DGKE: variants seen among roughly 807,000 people sequenced by gnomAD.
The protein encoded by DGKE is DAG kinase epsilon.
In DGKE, 53 loss-of-function variants were observed where a neutral mutation model predicts 70.0. The observed-to-expected ratio is 0.76, with a 90% CI of 0.61 to 0.95. DGKE has a LOEUF of 0.95. DGKE is among the 40% of genes least tolerant of loss of function. DGKE has a pLI of 0.00. For synonymous variants in DGKE, 291 were observed against 257.0 expected (o/e 1.13, Z -1.27); for missense variants, 655 against 706.9 (o/e 0.93, Z 0.83).
chr17:56,845,530 TC>T (rs755469734), intron 3 of DGKE, among the ~76,000 whole-genome samples, 159 bp from the exon 4 acceptor site: 55 of 152,192 alleles, frequency 3.6e-4, no homozygotes, highest in Non-Finnish European at 5.6e-4. Flanking sequence ...TTTCTGAGGT[TC>T]CCTTCCATTC....
intron 7 of DGKE, among the ~76,000 whole-genome samples, chr17:56,853,618 G>T (rs563109287): frequency 6.6e-6 from 1 of 152,266 alleles, no homozygotes; most frequent in South Asian, 2.1e-4. Flanking sequence ...ATAGATATGT[G>T]TATTTATTTG....
intron 4 of DGKE, chr17:56,847,391 G>C (rs1907352918): frequency 6.7e-6 from 1 of 149,436 alleles, no homozygotes; most frequent in African/African-American, 2.5e-5. Context: ...CTGGAGTGCA[G>C]GGGCATGATC....
chr17:56,856,438 A>G (rs1341062612), intron 7 of DGKE, 74 bp from the exon 8 acceptor site: 1 of 1,462,192 alleles, frequency 6.8e-7, no homozygotes, highest in South Asian at 1.3e-5. Flanking sequence ...CACAAAGACT[A>G]AGATTGACAT....
Position 56,867,744 on chromosome 17 carries a change from AT to A in DGKE, c.*4956del. The A allele has an allele frequency of 6.6e-6, 1 of 152,318 alleles. No individual in the cohort carries two copies. Among genetic ancestry groups the A allele is most frequent in the Non-Finnish European group, 1.5e-5 (1 of 68,118 alleles). The allele number at this position is 152,318 out of a possible 1,614,324, so 9.4% of individuals were successfully genotyped here. On this transcript the variant is annotated 3_prime_UTR_variant, in exon 12 of 12. Transcript: ENST00000284061. ...CCCCGCCTCTACTAAAAATCCAAAAATTTAGCCGGGCATGGTGGCGGGCACC... is the reference window on the plus strand; with the variant it reads ...CCCCGCCTCTACTAAAAATCCAAAAATTAGCCGGGCATGGTGGCGGGCACC...
In DGKE at chr17:56,834,778, G is replaced by C. The variant is rs1300986789; in HGVS notation, c.-18G>C. The C allele has an allele frequency of 2.5e-6, 4 of 1,582,974 alleles. No homozygotes were observed. In the African/African-American group the frequency reaches 5.4e-5, roughly 21 times the overall value. On this transcript the variant is annotated splice_region_variant and 5_prime_UTR_variant, in exon 2 of 12. Coordinates refer to ENST00000284061, the MANE Select transcript of DGKE (RefSeq NM_003647.3). ...CACCGCCTGTTTCTTTTCTGGTTAGGTATCGTCCTTGGAGAAGATGGAAGC... is the reference window on the plus strand; with the variant it reads ...CACCGCCTGTTTCTTTTCTGGTTAGCTATCGTCCTTGGAGAAGATGGAAGC...
In DGKE at chr17:56,840,886, G is replaced by A. The variant is rs1247754360; in HGVS notation, c.465-3133G>A. 3.3e-5 allele frequency among the ~76,000 whole-genome samples: 5 copies of A among 152,114 alleles called. No homozygotes were observed. In the East Asian group the frequency reaches 7.7e-4, roughly 23 times the overall value. ...AGGTGCCTGTAGCCTAGCTACTCAG[G>A]AGACTGAGGCAGGATCACTTGAGCC... On this transcript the variant is annotated intron_variant, in intron 2 of 11. Transcript: ENST00000284061.
chr17:56,836,407 G>A (rs2144189479), intron 2 of DGKE: 2 of 152,296 alleles, frequency 1.3e-5, no homozygotes, highest in East Asian at 3.9e-4. Flanking sequence ...ATTAAATGCT[G>A]TCCTTCTGGC....
At position 56,855,131 on chromosome 17, in the gene DGKE, TAAAA is replaced by T. The variant is rs144466270; in HGVS notation, c.1099-1378_1099-1375del. Reference sequence around the variant, plus strand: ...GGAAACTAGAAAAAAAAAATTCAGTTAAAAAATAAAGGCAAATTAATGTACATTG... The same window carrying T: ...GGAAACTAGAAAAAAAAAATTCAGTTAATAAAGGCAAATTAATGTACATTG... On this transcript the variant is annotated intron_variant, in intron 7 of 11. Transcript: ENST00000284061. Among the ~76,000 whole-genome samples the T allele has an allele frequency of 8.9e-3, 1,346 of 151,834 alleles. 22 individuals carry two copies. Among genetic ancestry groups the T allele is most frequent in the African/African-American group, 0.03 (1,247 of 41,466 alleles).
rs184942776 is a variant in DGKE at position 56,851,540 on chromosome 17, A to C, written c.1098+2308A>C. ...CCAGATTTTTGCACTGTAGTCCTAT[A>C]ATGAAGCTTATACCCTAGCAAGAGC... On this transcript the variant is annotated intron_variant, in intron 7 of 11. Coordinates refer to ENST00000284061, the MANE Select transcript of DGKE (RefSeq NM_003647.3). Among the ~76,000 whole-genome samples, 92 of 152,308 alleles carry C rather than the reference A, an allele frequency of 6.0e-4. No individual in the cohort carries two copies. The East Asian group carries it at 0.012, about 20-fold the overall frequency.
At chr17:56,861,247 T>C (rs921612691) in intron 9 of DGKE, among the ~76,000 whole-genome samples, 21 of 147,952 alleles carry the variant, frequency 1.4e-4, no homozygotes, top group African/African-American at 5.0e-4. Context: ...AAAGAGTAAG[T>C]AAGAGTTAGC....
intron 7 of DGKE, among the ~76,000 whole-genome samples, chr17:56,854,846 T>G (rs140426121): frequency 1.3e-5 from 2 of 152,242 alleles, no homozygotes; most frequent in Non-Finnish European, 2.9e-5. Context: ...GACATGTTCT[T>G]CAGCCATTTG....
Position 56,835,002 on chromosome 17 carries a change from C to G in DGKE, c.207C>G (p.Ser69Arg), listed in dbSNP as rs747995629. The change falls in exon 2 of 12, where the codon AGC (serine) becomes AGG (arginine). Residue 69 changes from serine to arginine, a missense_variant. Physicochemically the swap from Ser to Arg is moderately radical, Grantham distance 110 (BLOSUM62 -1). Transcript: ENST00000284061. ...GGTGGCGCGACACGGACCTGTTCAGCCAGCCCACCTACTGCTGCGTGTGCG... is the reference window on the plus strand; with the variant it reads ...GGTGGCGCGACACGGACCTGTTCAGGCAGCCCACCTACTGCTGCGTGTGCG... ...KHGWRDTDLF[S>R]QPTYCCVCAQ... is the part of the protein sequence containing the mutation. 5 of 1,612,622 alleles carry G rather than the reference C, an allele frequency of 3.1e-6. No individual in the cohort carries two copies. The highest frequency in any genetic ancestry group is 2.2e-5 in the East Asian group (1 of 44,882).
intron 2 of DGKE, among the ~76,000 whole-genome samples, chr17:56,836,871 C>T (rs1334923016): frequency 6.6e-6 from 1 of 152,160 alleles, no homozygotes; most frequent in Non-Finnish European, 1.5e-5. Context: ...ACATTTCTGC[C>T]CCTTTGCTCA....
At chr17:56,854,897 A>G (rs144163835) in intron 7 of DGKE, among the ~76,000 whole-genome samples, 1 of 152,358 alleles carries the variant, frequency 6.6e-6, no homozygotes, top group African/African-American at 2.4e-5. Flanking sequence ...TAAATATACT[A>G]CAATCAAGTA....
At position 56,861,839 on chromosome 17, in the gene DGKE, A is replaced by G; in HGVS notation, c.1333A>G (p.Ile445Val). Reference sequence around the variant, plus strand: ...AGCACTGCCCAGCTTGGAAGGTATTATAGTTCTGAACATCGGATACTGGGG... The same window carrying G: ...AGCACTGCCCAGCTTGGAAGGTATTGTAGTTCTGAACATCGGATACTGGGG... ...RVALPSLEGI[I>V]VLNIGYWGGG... Residue 445 changes from isoleucine to valine, a missense_variant, in exon 10 of 12, where the codon ATA (isoleucine) becomes GTA (valine). Physicochemically the swap from Ile to Val is conservative, Grantham distance 29 (BLOSUM62 3). Coordinates refer to ENST00000284061, the MANE Select transcript of DGKE (RefSeq NM_003647.3). 2 of 1,613,848 alleles carry G rather than the reference A, an allele frequency of 1.2e-6. No individual in the cohort carries two copies. Among genetic ancestry groups the G allele is most frequent in the Non-Finnish European group, 1.7e-6 (2 of 1,179,968 alleles).
Position 56,869,477 on chromosome 17 carries a change from G to A in DGKE, c.*6686G>A, listed in dbSNP as rs1908664255. On this transcript the variant is annotated 3_prime_UTR_variant, in exon 12 of 12. Coordinates refer to ENST00000284061, the MANE Select transcript of DGKE (RefSeq NM_003647.3). ...TTTATTCATTTTATTAGGCATTAGAGGAAGAATATTCTGTAGTCCTGCTTT... is the reference window on the plus strand; with the variant it reads ...TTTATTCATTTTATTAGGCATTAGAAGAAGAATATTCTGTAGTCCTGCTTT... 2 of 152,170 alleles carry A rather than the reference G, an allele frequency of 1.3e-5. No individual in the cohort carries two copies. Among genetic ancestry groups the A allele is most frequent in the South Asian group, 2.1e-4 (1 of 4,836 alleles). The allele number at this position is 152,170 out of a possible 1,614,324, so 9.4% of individuals were successfully genotyped here.
intron 4 of DGKE, chr17:56,846,159 A>G (rs1907273697): frequency 6.3e-6 from 1 of 159,510 alleles, no homozygotes; most frequent in African/African-American, 2.4e-5. Flanking sequence ...AAAAGCATAA[A>G]CAGCCCAGCT....
At chr17:56,855,740 T>A (rs547167808) in intron 7 of DGKE, among the ~76,000 whole-genome samples, 1 of 152,240 alleles carries the variant, frequency 6.6e-6, no homozygotes, top group African/African-American at 2.4e-5. Context: ...GCGCGGTGGC[T>A]CACGCCTGTA....
Position 56,864,950 on chromosome 17 carries a change from G to A in DGKE, c.*2159G>A, listed in dbSNP as rs1265947926. On this transcript the variant is annotated 3_prime_UTR_variant, in exon 12 of 12. Coordinates refer to ENST00000284061, the MANE Select transcript of DGKE (RefSeq NM_003647.3). ...TTGATTTTTTGGTTATTGTAATCTA[G>A]TAAGGTTTTTGCATCACTACTGGTC... 1 of 152,022 alleles carries A rather than the reference G, an allele frequency of 6.6e-6. No homozygotes were observed. The highest frequency in any genetic ancestry group is 2.4e-5 in the African/African-American group (1 of 41,384). The allele number at this position is 152,022 out of a possible 1,614,324, so 9.4% of individuals were successfully genotyped here. A position where few individuals can be genotyped will look rare whatever the true frequency, so the allele number is the denominator to read the frequency against.
Sources: allele counts gnomAD v4.1 joint callset (sites outside exome capture counted in the v4.1 genomes callset), GRCh38; gene constraint gnomAD v4.1.1; transcripts MANE v1.5; gene names NCBI Gene and HGNC (gene_info 2026-07-23, HGNC 2026-07-21).